The following SUSD4 variants were observed in gnomAD, a reference collection of about 807,000 sequenced individuals.
SUSD4 encodes the protein sushi domain-containing protein 4.
SUSD4 carries 41 observed loss-of-function variants against 50.5 expected under a neutral mutation model. That is an observed-to-expected ratio of 0.81 (90% CI 0.63 to 1.05). SUSD4 has a LOEUF of 1.05. Among genes scored for constraint, SUSD4 ranks in the 50% least tolerant of loss-of-function variants. The pLI is 0.00. For missense variants in SUSD4, 580 were observed against 634.7 expected, an observed-to-expected ratio of 0.91 and a Z score of 0.93; for synonymous variants, 257 against 257.3, an observed-to-expected ratio of 1.00 and a Z score of 0.01.
In SUSD4 at chr1:223,292,429, A is replaced by G. The variant is rs747274862; in HGVS notation, c.361+10T>C. On this transcript the variant is annotated intron_variant, in intron 3 of 8. Coordinates refer to ENST00000366878, the MANE Select transcript of SUSD4 (RefSeq NM_017982.4). ...CATGAGTGGCTTCCGTGGAGAAGTA[A>G]GCACTTTACCTTCTTGCACACAGAT... 5.0e-6 allele frequency: 8 copies of G among 1,614,010 alleles called. No individual in the cohort carries two copies. The highest frequency in any genetic ancestry group is 6.8e-6 in the Non-Finnish European group (8 of 1,179,994).
intron 5 of SUSD4, among the ~76,000 whole-genome samples, chr1:223,242,092 T>C (rs1326924149): frequency 6.6e-6 from 1 of 152,060 alleles, no homozygotes; most frequent in Admixed American, 6.6e-5. Flanking sequence ...CAAGCACACA[T>C]CATTATGCCC....
chr1:223,296,401 A>G (rs1377240066), intron 2 of SUSD4, among the ~76,000 whole-genome samples: 1 of 152,122 alleles, frequency 6.6e-6, no homozygotes, highest in Non-Finnish European at 1.5e-5. Context: ...GGAAGAGTTC[A>G]GTGTGGAGTG....
chr1:223,319,029 A>G, intron 2 of SUSD4, among the ~76,000 whole-genome samples: 1 of 46,742 alleles, frequency 2.1e-5, no homozygotes, highest in Non-Finnish European at 4.4e-5. Context: ...TCTTTGACAA[A>G]CCTGAGAAAA....
At chr1:223,348,552 G>T (rs767688448) in intron 2 of SUSD4, among the ~76,000 whole-genome samples, 1 of 152,170 alleles carries the variant, frequency 6.6e-6, no homozygotes, top group Non-Finnish European at 1.5e-5. Flanking sequence ...TAAATTGCAG[G>T]ATGTTTTCAA....
intron 2 of SUSD4, chr1:223,358,778 T>G (rs1301827353): frequency 5.5e-6 from 1 of 181,190 alleles, no homozygotes; most frequent in Non-Finnish European, 1.2e-5. Flanking sequence ...GCTGCTTATA[T>G]TAAGGTAGCC....
intron 2 of SUSD4, among the ~76,000 whole-genome samples, chr1:223,340,102 C>T (rs762321049): frequency 2.6e-5 from 4 of 152,332 alleles, no homozygotes; most frequent in Non-Finnish European, 5.9e-5. Context: ...AAAGACCACA[C>T]GCAGCCAAAT....
chr1:223,241,540 A>T (rs1660583644), intron 5 of SUSD4, among the ~76,000 whole-genome samples: 1 of 152,052 alleles, frequency 6.6e-6, no homozygotes, highest in African/African-American at 2.4e-5. Flanking sequence ...TTGCCCTGTG[A>T]CCTTACTTCT....
Position 223,284,964 on chromosome 1 carries a change from G to T in SUSD4, c.361+7475C>A, listed in dbSNP as rs189117409. On this transcript the variant is annotated intron_variant, in intron 3 of 8. Transcript: ENST00000366878. ...TTCTATACCTCTGTAAAATAACTAC[G>T]GTCAACAATAATATATTACAGAGTT... Among the ~76,000 whole-genome samples, 3 of 152,036 alleles carry T rather than the reference G, an allele frequency of 2.0e-5. No homozygotes were observed. The East Asian group carries it at 5.8e-4, about 29-fold the overall frequency.
chr1:223,249,360 G>C (rs377730749), intron 5 of SUSD4, among the ~76,000 whole-genome samples: 1 of 152,200 alleles, frequency 6.6e-6, no homozygotes, highest in East Asian at 1.9e-4. Context: ...TCTATTATCA[G>C]AGATGACACT....
At chr1:223,311,292 A>G (rs1033810618) in intron 2 of SUSD4, among the ~76,000 whole-genome samples, 1 of 152,282 alleles carries the variant, frequency 6.6e-6, no homozygotes, top group African/African-American at 2.4e-5. Context: ...GAAGTAAATC[A>G]GAAATGGGTT....
intron 5 of SUSD4, among the ~76,000 whole-genome samples, chr1:223,245,662 A>C (rs1312916695): frequency 1.3e-5 from 2 of 152,204 alleles, no homozygotes; most frequent in African/African-American, 4.8e-5. Context: ...AGCTGGGTGG[A>C]GAACAGGCTG....
intron 2 of SUSD4, among the ~76,000 whole-genome samples, chr1:223,342,009 G>A (rs1319948331): frequency 6.6e-6 from 1 of 152,176 alleles, no homozygotes; most frequent in Non-Finnish European, 1.5e-5. Flanking sequence ...AAAGCACTGA[G>A]GAGGGTGCCC....
At chr1:223,361,479 A>G (rs1278487296) in intron 2 of SUSD4, among the ~76,000 whole-genome samples, 1 of 152,130 alleles carries the variant, frequency 6.6e-6, no homozygotes, top group East Asian at 1.9e-4. Context: ...TTTGCCTGGC[A>G]TGATCCCCCA....
chr1:223,320,430 G>A (rs371978697), intron 2 of SUSD4, among the ~76,000 whole-genome samples: 1 of 152,034 alleles, frequency 6.6e-6, no homozygotes, highest in Non-Finnish European at 1.5e-5. Context: ...CTCTGGGCCT[G>A]AGCTAGCTGC....
intron 2 of SUSD4, among the ~76,000 whole-genome samples, chr1:223,321,824 G>T (rs1034433473): frequency 2.6e-5 from 4 of 152,210 alleles, no homozygotes; most frequent in African/African-American, 9.7e-5. Context: ...ACAGATCTGT[G>T]ATATGGCAGT....
chr1:223,319,858 T>C (rs1439175696), intron 2 of SUSD4, among the ~76,000 whole-genome samples: 1 of 152,156 alleles, frequency 6.6e-6, no homozygotes, highest in African/African-American at 2.4e-5. Context: ...TGCAGAACTA[T>C]TGGTAGGAGG....
chr1:223,351,176 G>C (rs1194449078), intron 2 of SUSD4, among the ~76,000 whole-genome samples: 1 of 152,254 alleles, frequency 6.6e-6, no homozygotes, highest in South Asian at 2.1e-4. Flanking sequence ...CAAAGCAGTA[G>C]AGCAAGGATT....
intron 7 of SUSD4, among the ~76,000 whole-genome samples, chr1:223,225,546 C>G (rs1307780468): frequency 2.0e-5 from 3 of 152,084 alleles, no homozygotes; most frequent in Non-Finnish European, 2.9e-5. Context: ...CCAGACTGCT[C>G]TCCCTCCACA....
At chr1:223,267,841 T>C (rs1251419575) in intron 4 of SUSD4, among the ~76,000 whole-genome samples, 2 of 151,712 alleles carry the variant, frequency 1.3e-5, no homozygotes, top group East Asian at 3.9e-4. Context: ...TTGGTCGAAG[T>C]CACACGTCAA....
Sources: gnomAD v4.1 joint callset for allele counts (sites outside exome capture counted in the v4.1 genomes callset) on GRCh38, gnomAD v4.1.1 for gene constraint, MANE v1.5 for transcripts, NCBI Gene and HGNC (gene_info 2026-07-23, HGNC 2026-07-21) for gene names.